ETNPPL: variants seen among roughly 807,000 people sequenced by gnomAD.
The protein encoded by ETNPPL is ethanolamine-phosphate phospho-lyase.
ETNPPL carries 30 observed loss-of-function variants against 55.5 expected under a neutral mutation model. That is an observed-to-expected ratio of 0.54 (90% CI 0.40 to 0.73). The LOEUF (loss-of-function observed/expected upper bound fraction) is 0.73, where lower values mean the gene tolerates loss of function less well. Among genes scored for constraint, ETNPPL ranks in the 30% least tolerant of loss-of-function variants. The pLI is 0.00. For synonymous variants in ETNPPL, 202 were observed against 207.2 expected, an observed-to-expected ratio of 0.98 and a Z score of 0.21; for missense variants, 528 against 607.9, an observed-to-expected ratio of 0.87 and a Z score of 1.38.
chr4:108,755,901 T>C (rs1729174206), intron 4 of ETNPPL, among the ~76,000 whole-genome samples: 1 of 152,252 alleles, frequency 6.6e-6, no homozygotes, highest in Admixed American at 6.5e-5. Flanking sequence ...AAATTCATGT[T>C]TGACAGGTAA....
At chr4:108,753,749 T>TAAAGAAAGAAAGAAAGA (rs1553934219) in intron 5 of ETNPPL, among the ~76,000 whole-genome samples, 1 of 76,712 alleles carries the variant, frequency 1.3e-5, no homozygotes, top group African/African-American at 5.3e-5. Context: ...CTCAAATAAA[T>TAAAGAAAGAAAGAAAGA]AAGAAAGAAA....
intron 6 of ETNPPL, 106 bp from the exon 7 acceptor site, chr4:108,751,124 C>A: frequency 1.5e-6 from 1 of 657,768 alleles, no homozygotes; most frequent in South Asian, 2.2e-5. Context: ...TAGGAATAGA[C>A]CTGTAGCAAG....
intron 3 of ETNPPL, among the ~76,000 whole-genome samples, chr4:108,757,298 C>G (rs1729257134): frequency 6.6e-6 from 1 of 152,128 alleles, no homozygotes; most frequent in African/African-American, 2.4e-5. Flanking sequence ...GTTTACTATC[C>G]GTTAAACATC....
At chr4:108,746,333 A>G (rs1190127053) in intron 11 of ETNPPL, 66 bp downstream of exon 11, 1 of 1,492,416 alleles carries the variant, frequency 6.7e-7, no homozygotes, top group Non-Finnish European at 9.0e-7. Context: ...TTATGACTAG[A>G]CCAGGGTTTG....
At chr4:108,756,829 A>G (rs745978291) in intron 3 of ETNPPL, among the ~76,000 whole-genome samples, 4 of 152,202 alleles carry the variant, frequency 2.6e-5, no homozygotes, top group Non-Finnish European at 4.4e-5. Flanking sequence ...CCATCTCCAG[A>G]ACAACAACAA....
At chr4:108,762,479 G>C in intron 1 of ETNPPL, 2 of 652,052 alleles carry the variant, frequency 3.1e-6, no homozygotes, top group South Asian at 1.5e-5. Context: ...CGAGTTGTGT[G>C]GGGGTGGCGG....
intron 2 of ETNPPL, 45 bp downstream of exon 2, chr4:108,760,143 T>G (rs769547436): frequency 2.2e-6 from 3 of 1,361,800 alleles, no homozygotes; most frequent in Non-Finnish European, 3.1e-6. Flanking sequence ...TCAGCTTTAC[T>G]CCATGAACAT....
intron 5 of ETNPPL, among the ~76,000 whole-genome samples, chr4:108,753,811 G>GAAAAGAA (rs1560656754): frequency 3.9e-5 from 5 of 128,924 alleles, no homozygotes; most frequent in African/African-American, 1.5e-4. Context: ...AAAGAAAAGA[G>GAAAAGAA]AAGAAAAGAA....
At position 108,749,743 on chromosome 4, in the gene ETNPPL, C is replaced by G. The variant is rs548982670; in HGVS notation, c.702-280G>C. Among the ~76,000 whole-genome samples the G allele has an allele frequency of 2.6e-5, 4 of 152,164 alleles. No individual in the cohort carries two copies. The South Asian group carries it at 6.2e-4, about 24-fold the overall frequency. On this transcript the variant is annotated intron_variant, in intron 7 of 12. Coordinates refer to ENST00000296486, the MANE Select transcript of ETNPPL (RefSeq NM_031279.4). Reference sequence around the variant, plus strand: ...TTTTTTTAAGAGATGGGGTCTCACTCTGTTGCCCAGGCTGGAGTGCAGTGG... The same window carrying G: ...TTTTTTTAAGAGATGGGGTCTCACTGTGTTGCCCAGGCTGGAGTGCAGTGG...
At chr4:108,753,806 AAAGAG>A (rs548752592) in intron 5 of ETNPPL, among the ~76,000 whole-genome samples, 1,266 of 119,314 alleles carry the variant, frequency 0.011, 44 homozygotes, top group African/African-American at 0.022. Context: ...GAAAGAAAGA[AAAGAG>A]AAGAAAAGAA....
rs534133119 is a variant in ETNPPL, at chr4:108,755,168, G to A, written c.411-458C>T. 4.6e-5 allele frequency among the ~76,000 whole-genome samples: 7 copies of A among 152,242 alleles called. No homozygotes were observed. The East Asian group carries it at 1.4e-3, about 29-fold the overall frequency. ...GTTTCTGTTCGGGATGATTTCTAAA[G>A]CATGTCCACTTGCAAATATTAGGCA... On this transcript the variant is annotated intron_variant, in intron 4 of 12. Transcript: ENST00000296486.
At chr4:108,749,545 C>CAAA in intron 7 of ETNPPL, 82 bp from the exon 8 acceptor site, 13 of 819,210 alleles carry the variant, frequency 1.6e-5, no homozygotes, top group South Asian at 3.8e-5. Flanking sequence ...TTATTGAAGA[C>CAAA]AAAAAAAAAA....
chr4:108,762,281 C>T, intron 1 of ETNPPL: 1 of 447,466 alleles, frequency 2.2e-6, no homozygotes, highest in Non-Finnish European at 4.5e-6. Context: ...TAAGAGGGAT[C>T]TAAATAAAGT....
chr4:108,742,553 A>G lies in ETNPPL; in HGVS notation c.1431T>C (p.Asn477=), dbSNP rs1478512306. ...ACATTCCATTTCTCTTTCTGCTGGG[A>G]TTTTCTTTGGAGTCAGTGGTGCTGT... The part of the protein sequence containing the change: ...LRDSTTDSKE[N]PSRKRNGMCT... Residue 477 remains asparagine (N), a synonymous_variant, in exon 13 of 13, where the codon AAT becomes AAC. Coordinates refer to ENST00000296486, the MANE Select transcript of ETNPPL (RefSeq NM_031279.4). 3.7e-6 allele frequency: 6 copies of G among 1,613,748 alleles called. No homozygotes were observed. Among genetic ancestry groups the G allele is most frequent in the Middle Eastern group, 3.3e-4 (2 of 6,082 alleles).
rs1218801995 is a variant in ETNPPL, at chr4:108,760,309, A to G, written c.57-3T>C. On this transcript the variant is annotated splice_region_variant and splice_polypyrimidine_tract_variant and intron_variant, in intron 1 of 12. Coordinates refer to ENST00000296486, the MANE Select transcript of ETNPPL (RefSeq NM_031279.4). ...CAAAGAAAACTTTGCATGAGGGCCT[A>G]GAAATAATCAAAGGAAACACTTTGG... The G allele has an allele frequency of 3.2e-6, 5 of 1,546,414 alleles. No individual in the cohort carries two copies. The highest frequency in any genetic ancestry group is 4.5e-6 in the Non-Finnish European group (5 of 1,120,270).
chr4:108,753,772 G>GAAAGAAAGAAAA (rs1729036929), intron 5 of ETNPPL, among the ~76,000 whole-genome samples: 1 of 118,970 alleles, frequency 8.4e-6, no homozygotes, highest in Non-Finnish European at 1.7e-5. Context: ...AAGAAAGAAA[G>GAAAGAAAGAAAA]AAAGAAAGAA....
chr4:108,762,955 A>G lies in ETNPPL; in HGVS notation c.-57T>C. The stretch of plus-strand genomic sequence containing the variant: ...AAGGTGCAAGGTCTGCGCGCCTCCT[A>G]CGCGAGCCTGGGACTGCCTTGGCGG... On this transcript the variant is annotated 5_prime_UTR_variant, in exon 1 of 13. Transcript: ENST00000296486. 6.4e-7 allele frequency: 1 copy of G among 1,561,456 alleles called. No individual in the cohort carries two copies. Among genetic ancestry groups the G allele is most frequent in the Non-Finnish European group, 8.8e-7 (1 of 1,134,556 alleles).
Position 108,758,477 on chromosome 4 carries a change from C to T in ETNPPL, c.335+1272G>A, listed in dbSNP as rs192230959. Among the ~76,000 whole-genome samples, 523 of 152,216 alleles carry T rather than the reference C, an allele frequency of 3.4e-3. 2 individuals carry two copies. Among genetic ancestry groups the T allele is most frequent in the Non-Finnish European group, 6.1e-3 (418 of 68,026 alleles). Reference sequence around the variant, plus strand: ...AGAATTTAAAAGTTGGGGCCAGGCACGGTGGCTCACACCTGTAATCCCTGC... The same window carrying T: ...AGAATTTAAAAGTTGGGGCCAGGCATGGTGGCTCACACCTGTAATCCCTGC... On this transcript the variant is annotated intron_variant, in intron 3 of 12. Coordinates refer to ENST00000296486, the MANE Select transcript of ETNPPL (RefSeq NM_031279.4).
In ETNPPL at chr4:108,749,488, T is replaced by C. The variant is rs1430070740; in HGVS notation, c.702-25A>G. 7 of 1,563,672 alleles carry C rather than the reference T, an allele frequency of 4.5e-6. 1 individual carries two copies. Among genetic ancestry groups the C allele is most frequent in the South Asian group, 3.3e-5 (3 of 89,928 alleles). The stretch of plus-strand genomic sequence containing the variant: ...TCTGAAAAGCAAAGCGGCAGTCTAA[T>C]GCCTTCAGGTCACTGAGATCCCCAA... On this transcript the variant is annotated intron_variant, in intron 7 of 12. Transcript: ENST00000296486.
Sources: allele counts gnomAD v4.1 joint callset (sites outside exome capture counted in the v4.1 genomes callset), GRCh38; gene constraint gnomAD v4.1.1; transcripts MANE v1.5; gene names NCBI Gene and HGNC (gene_info 2026-07-23, HGNC 2026-07-21).